BHMT: variants seen among roughly 807,000 people sequenced by gnomAD.
The protein encoded by BHMT is betaine--homocysteine S-methyltransferase, also known as betaine--homocysteine S-methyltransferase 1.
In BHMT, 38 loss-of-function variants were observed where a neutral mutation model predicts 49.5. The observed-to-expected ratio is 0.77, with a 90% CI of 0.59 to 1.01. BHMT has a LOEUF of 1.01. Ranked by LOEUF, BHMT falls within the 50% of genes least tolerant of loss-of-function variation. The pLI is 0.00. For missense variants in BHMT, 426 were observed against 495.7 expected (o/e 0.86, Z 1.34); for synonymous variants, 166 against 176.3 (o/e 0.94, Z 0.46).
At chr5:79,128,258 C>A in intron 7 of BHMT, 1 of 334,270 alleles carries the variant, frequency 3.0e-6, no homozygotes, top group Middle Eastern at 9.5e-4. Context: ...CGGTGGCTCG[C>A]GCCTGTAATC....
chr5:79,119,414 T>C, intron 3 of BHMT, 37 bp downstream of exon 3: 2 of 1,520,916 alleles, frequency 1.3e-6, no homozygotes, highest in Non-Finnish European at 1.8e-6. Context: ...TAGAAGGATA[T>C]TGTCGACCTA....
chr5:79,119,130 C>A, intron 2 of BHMT, 129 bp from the exon 3 acceptor site: 1 of 720,044 alleles, frequency 1.4e-6, no homozygotes, highest in Non-Finnish European at 2.3e-6. Context: ...TCATCTACCC[C>A]TAAGATGTGC....
Position 79,119,310 on chromosome 5 carries a change from C to T in BHMT, c.218C>T (p.Thr73Ile), listed in dbSNP as rs1756431075. Reference protein sequence around the residue: ...FLRAGSNVMQTFTFYASEDKL... With the variant: ...FLRAGSNVMQIFTFYASEDKL... ...AGAGCTGGCTCAAACGTCATGCAGA[C>T]CTTCACCTTCTATGCGAGTGAAGAC... is the stretch of plus-strand genomic sequence containing the variant. The change falls in exon 3 of 8, where the codon ACC becomes ATC. Residue 73 changes from threonine to isoleucine, a missense_variant. Around this residue, in one of 3 missense-constraint regions of BHMT, gnomAD observed 321 missense variants for 355.9 expected, o/e 0.90. Coordinates refer to ENST00000274353, the MANE Select transcript of BHMT (RefSeq NM_001713.3). 1 of 1,614,170 alleles carries T rather than the reference C, an allele frequency of 6.2e-7. No individual in the cohort carries two copies. The highest frequency in any genetic ancestry group is 8.5e-7 in the Non-Finnish European group (1 of 1,180,038).
intron 5 of BHMT, 142 bp downstream of exon 5, chr5:79,121,507 A>G: frequency 7.9e-7 from 1 of 1,259,526 alleles, no homozygotes; most frequent in Non-Finnish European, 1.1e-6. Context: ...GATATTATTG[A>G]ATCCCAGAGG....
chr5:79,122,135 G>C (rs965420847), intron 5 of BHMT, among the ~76,000 whole-genome samples: 1 of 151,892 alleles, frequency 6.6e-6, no homozygotes, highest in African/African-American at 2.4e-5. Context: ...GTAGAGACGG[G>C]GTTTCACTAT....
chr5:79,120,643 T>C, intron 4 of BHMT, 102 bp downstream of exon 4: 1 of 1,047,450 alleles, frequency 9.5e-7, no homozygotes. Flanking sequence ...CAATCATAAC[T>C]AGCAATAGTA....
At position 79,126,216 on chromosome 5, in the gene BHMT, G is replaced by C; in HGVS notation, c.796G>C (p.Glu266Gln). The C allele has an allele frequency of 6.2e-7, 1 of 1,613,660 alleles. No individual in the cohort carries two copies. The highest frequency in any genetic ancestry group is 8.5e-7 in the Non-Finnish European group (1 of 1,179,730). Reference sequence around the variant, plus strand: ...CAAGCAGGGATTCATCGATCTCCCAGAATTCCCATTTGGTAAGACCAACAT... The same window carrying C: ...CAAGCAGGGATTCATCGATCTCCCACAATTCCCATTTGGTAAGACCAACAT... ...CNKQGFIDLP[E>Q]FPFGLEPRVA... Residue 266 changes from glutamate (E) to glutamine (Q), a missense_variant, in exon 6 of 8, where the codon GAA becomes CAA. Glu to Gln is a conservative substitution (Grantham distance 29). Around this residue, in one of 3 missense-constraint regions of BHMT, gnomAD observed 321 missense variants for 355.9 expected, o/e 0.90. Coordinates refer to ENST00000274353, the MANE Select transcript of BHMT (RefSeq NM_001713.3).
chr5:79,122,206 G>T (rs943755391), intron 5 of BHMT, among the ~76,000 whole-genome samples: 1 of 152,112 alleles, frequency 6.6e-6, no homozygotes, highest in African/African-American at 2.4e-5. Context: ...CTCCCAAAGT[G>T]CTGGGATTAC....
rs1315361021 is a variant in BHMT at position 79,131,053 on chromosome 5, A to G, written c.1158A>G (p.Lys386=). 5.0e-6 allele frequency: 8 copies of G among 1,613,904 alleles called. No individual in the cohort carries two copies. The Admixed American group carries it at 1.0e-4, about 20-fold the overall frequency. ...TKGTAELMQQ[K]EATTEQQLKE... is the part of the protein sequence containing the mutation. Reference sequence around the variant, plus strand: ...GAACAGCCGAGCTGATGCAGCAGAAAGAAGCCACAACTGAGCAGCAGCTGA... The same window carrying G: ...GAACAGCCGAGCTGATGCAGCAGAAGGAAGCCACAACTGAGCAGCAGCTGA... The change falls in exon 8 of 8, where the codon AAA becomes AAG. Residue 386 remains lysine (K), a synonymous_variant. Coordinates refer to ENST00000274353, the MANE Select transcript of BHMT (RefSeq NM_001713.3).
rs367818224 is a variant in BHMT, at chr5:79,127,780, A to T, written c.834A>T (p.Arg278Ser). 1 of 1,614,070 alleles carries T rather than the reference A, an allele frequency of 6.2e-7. No individual in the cohort carries two copies. Among genetic ancestry groups the T allele is most frequent in the Non-Finnish European group, 8.5e-7 (1 of 1,179,924 alleles). The change falls in exon 7 of 8, where the codon AGA (arginine) becomes AGT (serine). Residue 278 changes from arginine (R) to serine (S), a missense_variant. Arg to Ser is a moderately radical substitution (Grantham distance 110). This residue lies in a region of BHMT where 321 missense variants were observed against 355.9 expected (regional missense o/e 0.90). Transcript: ENST00000274353. ...GACTGGAACCCAGAGTTGCCACCAG[A>T]TGGGATATTCAAAAATACGCCAGAG... ...PFGLEPRVAT[R>S]WDIQKYAREA...
chr5:79,128,011 A>G, intron 7 of BHMT, 28 bp downstream of exon 7: 1 of 1,581,896 alleles, frequency 6.3e-7, no homozygotes. Context: ...AACCCAAACT[A>G]ATTTAGATTA....
At position 79,120,559 on chromosome 5, in the gene BHMT, G is replaced by A. The variant is rs151276307; in HGVS notation, c.477+18G>A. ...TTGCAGAGGTAAAGAAAGATGTGGT[G>A]AAAGATAAGACAAATACACCTAGTA... On this transcript the variant is annotated intron_variant, in intron 4 of 7. Transcript: ENST00000274353. The A allele has an allele frequency of 1.9e-6, 3 of 1,597,034 alleles. No homozygotes were observed. The African/African-American group carries it at 4.0e-5, about 21-fold the overall frequency.
intron 1 of BHMT, among the ~76,000 whole-genome samples, chr5:79,112,348 C>A (rs1477309767): frequency 6.6e-6 from 1 of 152,230 alleles, no homozygotes; most frequent in African/African-American, 2.4e-5. Flanking sequence ...TGCTCCTAGC[C>A]CCGCAGGCGC....
intron 5 of BHMT, 77 bp from the exon 6 acceptor site, chr5:79,125,969 T>A: frequency 2.1e-6 from 3 of 1,439,640 alleles, no homozygotes; most frequent in Non-Finnish European, 2.8e-6. Flanking sequence ...ACTTCCTGAT[T>A]CCTGATGAAG....
At chr5:79,120,816 C>T (rs1484530495) in intron 4 of BHMT, among the ~76,000 whole-genome samples, 1 of 152,070 alleles carries the variant, frequency 6.6e-6, no homozygotes, top group Non-Finnish European at 1.5e-5. Flanking sequence ...AGTTTGAAAA[C>T]AGTAATAATG....
intron 7 of BHMT, among the ~76,000 whole-genome samples, chr5:79,129,136 C>T (rs943543501): frequency 2.0e-5 from 3 of 152,132 alleles, no homozygotes; most frequent in African/African-American, 7.2e-5. Context: ...ATTAACAGAG[C>T]ACAGCTATCT....
chr5:79,127,039 T>C lies in BHMT; in HGVS notation c.809-716T>C, dbSNP rs1170927762. Among the ~76,000 whole-genome samples the C allele has an allele frequency of 2.0e-5, 3 of 152,224 alleles. No homozygotes were observed. The East Asian group carries it at 5.8e-4, about 29-fold the overall frequency. The stretch of plus-strand genomic sequence containing the variant: ...AAGGCATTTGTGTTACTTACTGCTG[T>C]ATAACACATTAAATTAATGCAAAAT... On this transcript the variant is annotated intron_variant, in intron 6 of 7. Coordinates refer to ENST00000274353, the MANE Select transcript of BHMT (RefSeq NM_001713.3).
intron 5 of BHMT, among the ~76,000 whole-genome samples, chr5:79,121,897 C>T (rs1251722578): frequency 6.6e-6 from 1 of 150,688 alleles, no homozygotes; most frequent in Non-Finnish European, 1.5e-5. Context: ...TGGTTAAATA[C>T]ATTTAGAAAA....
Position 79,131,955 on chromosome 5 carries a change from C to T in BHMT, c.*839C>T, listed in dbSNP as rs1371992850. On this transcript the variant is annotated 3_prime_UTR_variant, in exon 8 of 8. Coordinates refer to ENST00000274353, the MANE Select transcript of BHMT (RefSeq NM_001713.3). Reference sequence around the variant, plus strand: ...TCAGCCCTCTCCATCCTAGTCAACACTGGATCCACCTAGTGCCTCTGGGCC... The same window carrying T: ...TCAGCCCTCTCCATCCTAGTCAACATTGGATCCACCTAGTGCCTCTGGGCC... 2 of 152,206 alleles carry T rather than the reference C, an allele frequency of 1.3e-5. No individual in the cohort carries two copies. Among genetic ancestry groups the T allele is most frequent in the Non-Finnish European group, 2.9e-5 (2 of 68,040 alleles). 9.4% of individuals were successfully genotyped at this position (152,206 alleles called of 1,614,324 possible).
Sources: gnomAD v4.1 joint callset for allele counts (sites outside exome capture counted in the v4.1 genomes callset) on GRCh38, gnomAD v4.1.1 for gene constraint, gnomAD v4.1.1 regional missense constraint, MANE v1.5 for transcripts, NCBI Gene and HGNC (gene_info 2026-07-23, HGNC 2026-07-21) for gene names.